Variants in BCOR observed in about 807,000 individuals in gnomAD.
The protein encoded by BCOR is BCL6 corepressor.
In BCOR, 10 loss-of-function variants were observed where a neutral mutation model predicts 86.7. That is an observed-to-expected ratio of 0.12 (90% CI 0.07 to 0.20). The LOEUF is 0.20. BCOR is among the 10% of genes least tolerant of loss of function. BCOR has a pLI of 1.00. For missense variants in BCOR, 1,259 were observed against 1,452.1 expected (o/e 0.87, Z 2.16); for synonymous variants, 611 against 609.0 (o/e 1.00, Z -0.05).
chrX:40,077,714 G>C, intron 2 of BCOR, 130 bp downstream of exon 2: 1 of 560,502 alleles, frequency 1.8e-6, no homozygotes. Flanking sequence ...TGTAAATCAA[G>C]AGCGGCCTAC....
At position 40,074,650 on chromosome X, in the gene BCOR, C is replaced by T. The variant is rs752884103; in HGVS notation, c.696G>A (p.Pro232=). ...LPQQSYSLAQ[P]LYSPVCTNGE... ...CATTGGTGCAGACTGGAGAATACAGCGGCTGGGCCAAGCTGTAGGACTGCT... is the reference window on the plus strand; with the variant it reads ...CATTGGTGCAGACTGGAGAATACAGTGGCTGGGCCAAGCTGTAGGACTGCT... The change falls in exon 4 of 15, where the codon CCG becomes CCA. Residue 232 remains proline (P), a synonymous_variant. Coordinates refer to ENST00000378444, the MANE Select transcript of BCOR (RefSeq NM_001123385.2). 9.9e-6 allele frequency: 12 copies of T among 1,210,453 alleles called. No homozygotes were observed. The highest frequency in any genetic ancestry group is 3.5e-5 in the South Asian group (2 of 56,856).
intron 1 of BCOR, among the ~76,000 whole-genome samples, chrX:40,174,988 G>A (rs1375098218): frequency 8.8e-6 from 1 of 113,424 alleles, no homozygotes; most frequent in South Asian, 3.5e-4. Context: ...GAGAATCCAC[G>A]TTTTCTAGCC....
chrX:40,128,939 AC>A (rs201735171), intron 1 of BCOR, among the ~76,000 whole-genome samples: 9,503 of 111,636 alleles, frequency 0.085, 353 homozygotes, highest in Middle Eastern at 0.14. Context: ...CCTACTATGT[AC>A]TTGTTGCATA....
At chrX:40,107,392 C>T (rs774233998) in intron 1 of BCOR, among the ~76,000 whole-genome samples, 2 of 111,923 alleles carry the variant, frequency 1.8e-5, no homozygotes, top group Non-Finnish European at 3.8e-5. Flanking sequence ...AACCTTGGAG[C>T]GAGAGAGCAG....
At position 40,072,727 on chromosome X, in the gene BCOR, C is replaced by T. The variant is rs1415562869; in HGVS notation, c.2619G>A (p.Gln873=). The T allele has an allele frequency of 2.5e-6, 3 of 1,211,837 alleles. No homozygotes were observed. Among genetic ancestry groups the T allele is most frequent in the Non-Finnish European group, 3.3e-6 (3 of 895,552 alleles). Residue 873 remains glutamine (Q), a synonymous_variant, in exon 4 of 15, where the codon CAG becomes CAA. Transcript: ENST00000378444. ...SDFHETYTFK[Q]PVFTVSKDSV... ...TGTCCTTGCTTACGGTGAAGACTGG[C>T]TGTTTGAAAGTATAAGTTTCGTGGA...
intron 1 of BCOR, among the ~76,000 whole-genome samples, chrX:40,133,139 CTTTT>C (rs774822335): frequency 2.0e-5 from 2 of 100,269 alleles, no homozygotes; most frequent in Non-Finnish European, 4.1e-5. Flanking sequence ...TTCTTTTTTT[CTTTT>C]TTTTTTTTTT....
At chrX:40,064,225 C>G in intron 7 of BCOR, 111 bp downstream of exon 7, 1 of 1,099,160 alleles carries the variant, frequency 9.1e-7, no homozygotes, top group Non-Finnish European at 1.2e-6. Flanking sequence ...TTCCCCTCAC[C>G]GACTCTGTCT....
chrX:40,076,424 T>C (rs1935810198), intron 3 of BCOR, 30 bp downstream of exon 3: 7 of 1,045,942 alleles, frequency 6.7e-6, no homozygotes, highest in Admixed American at 2.2e-5. Flanking sequence ...TATGCAGATA[T>C]GGCATCAACA....
At chrX:40,152,578 C>G (rs1938190543) in intron 1 of BCOR, among the ~76,000 whole-genome samples, 1 of 112,979 alleles carries the variant, frequency 8.9e-6, no homozygotes, top group African/African-American at 3.2e-5. Flanking sequence ...GGGAACCTCA[C>G]CCAAACACCA....
chrX:40,122,085 C>G (rs1937495266), intron 1 of BCOR, among the ~76,000 whole-genome samples: 1 of 111,824 alleles, frequency 8.9e-6, no homozygotes, highest in Non-Finnish European at 1.9e-5. Flanking sequence ...AGAACAGTCT[C>G]TCCTCTATAC....
intron 1 of BCOR, among the ~76,000 whole-genome samples, chrX:40,129,857 A>G (rs1447942694): frequency 9.0e-6 from 1 of 110,511 alleles, no homozygotes; most frequent in Admixed American, 9.7e-5. Context: ...CCTGGACAAC[A>G]TGACGAAACC....
chrX:40,098,714 T>C (rs1937007420), upstream of BCOR, among the ~76,000 whole-genome samples: 1 of 110,344 alleles, frequency 9.1e-6, no homozygotes, highest in African/African-American at 3.3e-5. Context: ...CCACCCCAGT[T>C]TGCCCCTTCC....
intron 1 of BCOR, among the ~76,000 whole-genome samples, chrX:40,104,057 G>T (rs747745270): frequency 8.9e-6 from 1 of 111,824 alleles, no homozygotes; most frequent in East Asian, 2.8e-4. Flanking sequence ...TCGACTGCAG[G>T]ATTTCAGGCT....
chrX:40,071,241 A>G, intron 5 of BCOR, 82 bp from the exon 6 acceptor site: 1 of 1,035,017 alleles, frequency 9.7e-7, no homozygotes, highest in East Asian at 3.3e-5. Context: ...CTTAAAGGAA[A>G]GTATTTTCAA....
chrX:40,092,715 C>T (rs1936676248), intron 1 of BCOR, among the ~76,000 whole-genome samples: 1 of 111,841 alleles, frequency 8.9e-6, no homozygotes, highest in Non-Finnish European at 1.9e-5. Context: ...GTCACCAACC[C>T]GCTGCCCACT....
At chrX:40,088,041 C>T (rs1936435345) in intron 1 of BCOR, among the ~76,000 whole-genome samples, 1 of 112,398 alleles carries the variant, frequency 8.9e-6, no homozygotes, top group Admixed American at 9.4e-5. Flanking sequence ...AGGAGTTTCT[C>T]CAATTAAACC....
chrX:40,176,790 G>GCCCTTGT (rs1938767151), intron 1 of BCOR, among the ~76,000 whole-genome samples: 1 of 111,777 alleles, frequency 8.9e-6, no homozygotes, highest in African/African-American at 3.2e-5. Context: ...GCCCGGCCCG[G>GCCCTTGT]CCCTTGTCCC....
chrX:40,156,447 G>A (rs1480165593), intron 1 of BCOR, among the ~76,000 whole-genome samples: 1 of 112,576 alleles, frequency 8.9e-6, no homozygotes, highest in Non-Finnish European at 1.9e-5. Flanking sequence ...GGGGCTGCGC[G>A]CAGAGCCACT....
chrX:40,133,122 C>CT (rs1192543507), intron 1 of BCOR, among the ~76,000 whole-genome samples: 14 of 109,433 alleles, frequency 1.3e-4, no homozygotes, highest in East Asian at 1.1e-3. Flanking sequence ...GCTTCAATTT[C>CT]TTTTTTTTCT....
Sources: gnomAD v4.1 joint callset for allele counts (sites outside exome capture counted in the v4.1 genomes callset) on GRCh38, gnomAD v4.1.1 for gene constraint, MANE v1.5 for transcripts, NCBI Gene and HGNC (gene_info 2026-07-23, HGNC 2026-07-21) for gene names.